GPC3: variants seen among roughly 807,000 people sequenced by gnomAD.
The protein encoded by GPC3 is glypican-3.
In GPC3, 3 loss-of-function variants were observed where a neutral mutation model predicts 34.4. The ratio of observed to expected loss-of-function variants is 0.09; its 90% CI spans 0.04 to 0.23. GPC3 has a LOEUF of 0.23. Among genes scored for constraint, GPC3 ranks in the 10% least tolerant of loss-of-function variants. The pLI is 1.00. For missense variants in GPC3, 351 were observed against 445.6 expected, an observed-to-expected ratio of 0.79 and a Z score of 1.91; for synonymous variants, 177 against 174.0, an observed-to-expected ratio of 1.02 and a Z score of -0.13.
intron 3 of GPC3, among the ~76,000 whole-genome samples, chrX:133,726,727 AAAAAC>A (rs757816186): frequency 9.0e-6 from 1 of 111,403 alleles, no homozygotes; most frequent in African/African-American, 3.3e-5. Context: ...CATTTCTCCA[AAAAAC>A]AAAACAAAAC....
chrX:133,627,182 G>C (rs1465893128), intron 6 of GPC3, among the ~76,000 whole-genome samples: 1 of 60,201 alleles, frequency 1.7e-5, no homozygotes, highest in African/African-American at 7.0e-5. Context: ...GGGGAGGGGG[G>C]AGGGATAGCA....
chrX:133,602,067 A>G (rs949520551), intron 6 of GPC3, among the ~76,000 whole-genome samples: 3 of 112,128 alleles, frequency 2.7e-5, no homozygotes, highest in African/African-American at 9.7e-5. Context: ...ATATATACAC[A>G]ATGGAATAAT....
At chrX:133,617,870 T>C (rs892158952) in intron 6 of GPC3, among the ~76,000 whole-genome samples, 7 of 111,599 alleles carry the variant, frequency 6.3e-5, no homozygotes, top group Non-Finnish European at 1.3e-4. Flanking sequence ...GCAATCCTCC[T>C]ACCTCAGCCT....
intron 5 of GPC3, among the ~76,000 whole-genome samples, chrX:133,669,972 G>C (rs913772646): frequency 9.0e-6 from 1 of 111,413 alleles, no homozygotes; most frequent in Non-Finnish European, 1.9e-5. Context: ...GGATTGCGGA[G>C]GGGGTTGGGG....
chrX:133,538,326 A>G lies in GPC3; in HGVS notation c.1574-2033T>C, dbSNP rs147308997. ...GGTTTCACCAAAGTGGAGAGCACAT[A>G]TGGCTAGATCTGTTGAAAGCCCAGC... On this transcript the variant is annotated intron_variant, in intron 7 of 7. Coordinates refer to ENST00000370818, the MANE Select transcript of GPC3 (RefSeq NM_004484.4). Among the ~76,000 whole-genome samples the G allele has an allele frequency of 3.6e-3, 400 of 111,987 alleles. 3 individuals carry two copies. Among genetic ancestry groups the G allele is most frequent in the Admixed American group, 7.2e-3 (76 of 10,504 alleles).
intron 3 of GPC3, among the ~76,000 whole-genome samples, chrX:133,751,251 G>T (rs2071665597): frequency 9.0e-6 from 1 of 111,112 alleles, no homozygotes; most frequent in African/African-American, 3.3e-5. Flanking sequence ...TCCTCTTACT[G>T]AAAGCATTTC....
intron 3 of GPC3, among the ~76,000 whole-genome samples, chrX:133,708,850 T>G (rs1262140255): frequency 2.7e-5 from 3 of 112,192 alleles, no homozygotes; most frequent in African/African-American, 9.7e-5. Context: ...AAAAATAATG[T>G]GTATGCTCTG....
At chrX:133,628,655 CAAA>C (rs374067368) in intron 6 of GPC3, among the ~76,000 whole-genome samples, 904 of 79,398 alleles carry the variant, frequency 0.011, 15 homozygotes, top group African/African-American at 0.038. Context: ...GACTCTGTCT[CAAA>C]AAAAAAAAAA....
At chrX:133,664,195 T>C (rs2070750977) in intron 5 of GPC3, among the ~76,000 whole-genome samples, 1 of 112,443 alleles carries the variant, frequency 8.9e-6, no homozygotes, top group Non-Finnish European at 1.9e-5. Flanking sequence ...TAAACTGATT[T>C]GTGTTTAATT....
At chrX:133,689,431 G>A (rs1157101078) in intron 5 of GPC3, among the ~76,000 whole-genome samples, 1 of 111,657 alleles carries the variant, frequency 9.0e-6, no homozygotes, top group Non-Finnish European at 1.9e-5. Context: ...TGATAGAAGA[G>A]AAATTTCTTG....
intron 7 of GPC3, among the ~76,000 whole-genome samples, chrX:133,561,474 A>T: frequency 8.9e-6 from 1 of 112,486 alleles, no homozygotes; most frequent in East Asian, 2.8e-4. Context: ...GTTATTTTAA[A>T]GCAGAAATAA....
intron 4 of GPC3, among the ~76,000 whole-genome samples, chrX:133,696,626 C>A (rs2071120921): frequency 9.0e-6 from 1 of 111,599 alleles, no homozygotes; most frequent in African/African-American, 3.3e-5. Flanking sequence ...TAGCCCATGA[C>A]AGACAACAAA....
intron 7 of GPC3, among the ~76,000 whole-genome samples, chrX:133,569,569 C>A (rs2124299428): frequency 8.9e-6 from 1 of 112,332 alleles, no homozygotes; most frequent in South Asian, 3.7e-4. Flanking sequence ...ATTAAAACAG[C>A]CCTGAAGCAT....
intron 2 of GPC3, among the ~76,000 whole-genome samples, chrX:133,839,057 A>C (rs1437801049): frequency 9.0e-6 from 1 of 111,558 alleles, no homozygotes. Context: ...GAAGGACTTT[A>C]TCTCTCAGGA....
chrX:133,978,497 T>C (rs767688442), intron 1 of GPC3, among the ~76,000 whole-genome samples: 1 of 111,907 alleles, frequency 8.9e-6, no homozygotes, highest in Non-Finnish European at 1.9e-5. Context: ...TTACCTCTTA[T>C]AAGATTTAAC....
At chrX:133,687,575 G>A (rs896037817) in intron 5 of GPC3, among the ~76,000 whole-genome samples, 2 of 105,882 alleles carry the variant, frequency 1.9e-5, no homozygotes, top group Admixed American at 2.0e-4. Context: ...TACCTGCCAC[G>A]ACACCCGGAT....
chrX:133,757,651 T>C (rs182181986), intron 2 of GPC3, among the ~76,000 whole-genome samples: 1 of 111,243 alleles, frequency 9.0e-6, no homozygotes, highest in African/African-American at 3.3e-5. Context: ...CCCTTTAGGG[T>C]AAGGCAGTCC....
chrX:133,849,713 C>G (rs930708994), intron 2 of GPC3, among the ~76,000 whole-genome samples: 3 of 111,554 alleles, frequency 2.7e-5, no homozygotes, highest in African/African-American at 9.8e-5. Flanking sequence ...CTCACCTGAT[C>G]TCCCTGCCCC....
At chrX:133,768,070 T>C (rs191987308) in intron 2 of GPC3, among the ~76,000 whole-genome samples, 239 of 110,934 alleles carry the variant, frequency 2.2e-3, no homozygotes, top group Non-Finnish European at 3.8e-3. Context: ...GCTGGGCACG[T>C]TAGTCTCTGT....
Sources: allele counts gnomAD v4.1 joint callset (sites outside exome capture counted in the v4.1 genomes callset), GRCh38; gene constraint gnomAD v4.1.1; transcripts MANE v1.5; gene names NCBI Gene and HGNC (gene_info 2026-07-23, HGNC 2026-07-21).